DNM3: variants seen among roughly 807,000 people sequenced by gnomAD.
DNM3 encodes dynamin 3.
A neutral mutation model predicts 101.6 loss-of-function variants in DNM3; 47 were observed. That is an observed-to-expected ratio of 0.46 (90% CI 0.37 to 0.59). DNM3 has a LOEUF of 0.59. Among genes scored for constraint, DNM3 ranks in the 20% least tolerant of loss-of-function variants. The pLI, the probability that DNM3 is intolerant of heterozygous loss-of-function variation, is 0.00. For missense variants in DNM3, 849 were observed against 1,085.7 expected (o/e 0.78, Z 3.06); for synonymous variants, 385 against 387.9 (o/e 0.99, Z 0.09).
chr1:172,200,434 A>G (rs1349952869), intron 14 of DNM3, among the ~76,000 whole-genome samples: 1 of 152,100 alleles, frequency 6.6e-6, no homozygotes, highest in Non-Finnish European at 1.5e-5. Context: ...TATTTCCTGA[A>G]TTTGACTGTT....
At chr1:172,080,731 C>G (rs1306343225) in intron 11 of DNM3, among the ~76,000 whole-genome samples, 1 of 152,178 alleles carries the variant, frequency 6.6e-6, no homozygotes, top group Admixed American at 6.6e-5. Flanking sequence ...CAGTTTTGTG[C>G]TTGAAACCCT....
chr1:172,271,181 T>C (rs2063069993), intron 15 of DNM3, among the ~76,000 whole-genome samples: 1 of 152,126 alleles, frequency 6.6e-6, no homozygotes, highest in African/African-American at 2.4e-5. Context: ...TGACTTCACA[T>C]TGTTGTTTGA....
intron 10 of DNM3, among the ~76,000 whole-genome samples, chr1:172,057,068 G>A (rs2050701493): frequency 6.6e-6 from 1 of 152,128 alleles, no homozygotes. Flanking sequence ...AGGAGCCGAT[G>A]TGATCAACTG....
intron 15 of DNM3, among the ~76,000 whole-genome samples, chr1:172,264,783 A>C (rs2062796677): frequency 6.6e-6 from 1 of 152,204 alleles, no homozygotes; most frequent in South Asian, 2.1e-4. Context: ...TTAAGGAGCT[A>C]TATCTATAAC....
intron 9 of DNM3, among the ~76,000 whole-genome samples, chr1:172,048,095 T>C (rs1293888229): frequency 6.6e-6 from 1 of 152,196 alleles, no homozygotes; most frequent in Non-Finnish European, 1.5e-5. Flanking sequence ...CACTTGTTAT[T>C]TTGGTTATCA....
intron 2 of DNM3, among the ~76,000 whole-genome samples, chr1:171,941,381 C>T (rs1401489924): frequency 6.6e-6 from 1 of 152,148 alleles, no homozygotes; most frequent in Non-Finnish European, 1.5e-5. Context: ...TAAATACTTC[C>T]TGGATACTAT....
intron 1 of DNM3, among the ~76,000 whole-genome samples, chr1:171,875,999 C>T (rs919617472): frequency 4.0e-5 from 6 of 151,814 alleles, no homozygotes; most frequent in South Asian, 2.1e-4. Context: ...TTAGTAGAGA[C>T]GGAGTTTTAC....
At chr1:172,181,153 T>C (rs1262862255) in intron 14 of DNM3, among the ~76,000 whole-genome samples, 1 of 152,054 alleles carries the variant, frequency 6.6e-6, no homozygotes, top group Admixed American at 6.6e-5. Flanking sequence ...TTGCAAAACA[T>C]CTTTTAAAAT....
At chr1:172,362,822 T>A (rs1384357503) in intron 17 of DNM3, among the ~76,000 whole-genome samples, 1 of 151,654 alleles carries the variant, frequency 6.6e-6, no homozygotes, top group African/African-American at 2.4e-5. Context: ...CTGTTAAAGA[T>A]TCTTCCATCA....
At chr1:172,321,921 TA>T (rs1325997853) in intron 16 of DNM3, among the ~76,000 whole-genome samples, 2 of 152,192 alleles carry the variant, frequency 1.3e-5, no homozygotes, top group East Asian at 3.9e-4. Flanking sequence ...GCATCATTTT[TA>T]AAAAGGACTC....
chr1:171,910,273 G>A (rs556198935), intron 1 of DNM3, among the ~76,000 whole-genome samples: 66 of 152,196 alleles, frequency 4.3e-4, no homozygotes, highest in Middle Eastern at 3.4e-3. Context: ...GGTCAATTGC[G>A]GTCTGAAAAG....
rs761952997 is a variant in DNM3, at chr1:171,987,294, T to C, written c.236-362T>C. The C allele has an allele frequency of 9.1e-6, 9 of 985,264 alleles. No individual in the cohort carries two copies. The African/African-American group carries it at 1.2e-4, about 13-fold the overall frequency. The allele number at this position is 985,264 out of a possible 1,614,324, so 61.0% of individuals were successfully genotyped here. A position where few individuals can be genotyped will look rare whatever the true frequency, so the allele number is the denominator to read the frequency against. Reference sequence around the variant, plus strand: ...ATGGTGATACTGAAGAGGGGAATGCTAACAGAACTCAGAGGTATCCCAGAT... The same window carrying C: ...ATGGTGATACTGAAGAGGGGAATGCCAACAGAACTCAGAGGTATCCCAGAT... On this transcript the variant is annotated intron_variant, in intron 2 of 20. Transcript: ENST00000627582.
chr1:172,252,677 TAA>T (rs2062222928), intron 14 of DNM3, among the ~76,000 whole-genome samples: 2 of 152,140 alleles, frequency 1.3e-5, no homozygotes, highest in Admixed American at 1.3e-4. Flanking sequence ...CTAGGTTTCT[TAA>T]ATTGAGTATT....
chr1:172,188,086 T>C (rs1350099912), intron 14 of DNM3, among the ~76,000 whole-genome samples: 1 of 152,126 alleles, frequency 6.6e-6, no homozygotes, highest in East Asian at 1.9e-4. Flanking sequence ...TGTGTGTATG[T>C]ATGTAATATG....
chr1:171,979,863 C>G (rs1386688214), intron 2 of DNM3, among the ~76,000 whole-genome samples: 2 of 152,216 alleles, frequency 1.3e-5, no homozygotes, highest in African/African-American at 4.8e-5. Flanking sequence ...ACAGCTCTGC[C>G]TTCCATTCCA....
At chr1:172,184,635 G>A (rs1357919193) in intron 14 of DNM3, among the ~76,000 whole-genome samples, 2 of 151,978 alleles carry the variant, frequency 1.3e-5, no homozygotes, top group African/African-American at 4.8e-5. Context: ...TCTTCATATT[G>A]TCTACTTTAA....
At chr1:171,917,490 A>G (rs547085106) in intron 1 of DNM3, among the ~76,000 whole-genome samples, 1 of 152,316 alleles carries the variant, frequency 6.6e-6, no homozygotes, top group African/African-American at 2.4e-5. Context: ...AAGCCATGAA[A>G]GAGCATTAAC....
intron 12 of DNM3, among the ~76,000 whole-genome samples, chr1:172,082,850 A>G (rs558441962): frequency 1.3e-5 from 2 of 152,344 alleles, no homozygotes; most frequent in East Asian, 1.9e-4. Context: ...ACTGAAAATT[A>G]TCTCATCCTA....
At chr1:172,054,191 G>A (rs1205207620) in intron 10 of DNM3, among the ~76,000 whole-genome samples, 1 of 152,070 alleles carries the variant, frequency 6.6e-6, no homozygotes, top group African/African-American at 2.4e-5. Context: ...TTTTTCTTAA[G>A]CTGCATAAAT....
Sources: allele counts gnomAD v4.1 joint callset (sites outside exome capture counted in the v4.1 genomes callset), GRCh38; gene constraint gnomAD v4.1.1; transcripts MANE v1.5; gene names NCBI Gene and HGNC (gene_info 2026-07-23, HGNC 2026-07-21).